CHRM3: variants seen among roughly 807,000 people sequenced by gnomAD.
CHRM3 encodes muscarinic acetylcholine receptor M3.
In CHRM3, 11 loss-of-function variants were observed where a neutral mutation model predicts 41.8. That is an observed-to-expected ratio of 0.26 (90% CI 0.17 to 0.44). CHRM3 has a LOEUF of 0.44. CHRM3 is among the 20% of genes least tolerant of loss of function. The pLI, the probability that CHRM3 is intolerant of heterozygous loss-of-function variation, is 1.00. For missense variants in CHRM3, 571 were observed against 745.4 expected, an observed-to-expected ratio of 0.77 and a Z score of 2.72; for synonymous variants, 297 against 301.4, an observed-to-expected ratio of 0.99 and a Z score of 0.15.
intron 5 of CHRM3, among the ~76,000 whole-genome samples, chr1:239,739,779 T>C (rs1664685934): frequency 6.6e-6 from 1 of 152,180 alleles, no homozygotes; most frequent in African/African-American, 2.4e-5. Context: ...TTAGTGTCTG[T>C]TTTCTTTAGC....
chr1:239,716,808 A>T (rs1227580766), intron 5 of CHRM3, among the ~76,000 whole-genome samples: 2 of 152,032 alleles, frequency 1.3e-5, no homozygotes, highest in Admixed American at 6.6e-5. Flanking sequence ...GGGAGCGGGG[A>T]TGTAGCTCTC....
rs150432886 is a variant in CHRM3, at chr1:239,428,566, C to T, written c.-521+41339C>T. 5.3e-4 allele frequency among the ~76,000 whole-genome samples: 80 copies of T among 152,268 alleles called. 1 individual carries two copies. In the East Asian group the frequency reaches 6.4e-3, roughly 12 times the overall value. On this transcript the variant is annotated intron_variant, in intron 1 of 6. Transcript: ENST00000676153. ...TTCCATACATGTTTGTTGAATAAAA[C>T]GGAATTTTTAAAAGATGCAGTAACA... is the stretch of plus-strand genomic sequence containing the variant.
At chr1:239,642,370 T>C (rs981622632) in intron 4 of CHRM3, among the ~76,000 whole-genome samples, 42 of 152,080 alleles carry the variant, frequency 2.8e-4, no homozygotes, top group African/African-American at 9.4e-4. Context: ...TTTTCCAACT[T>C]GGTTCCATTC....
chr1:239,856,356 G>A (rs612358), intron 6 of CHRM3, among the ~76,000 whole-genome samples: 147,012 of 152,156 alleles, frequency 0.97, 71,240 homozygotes, highest in East Asian at 1. Context: ...GTTTAGCGCC[G>A]TCCCCCTAGT....
intron 5 of CHRM3, among the ~76,000 whole-genome samples, chr1:239,774,962 T>C (rs1667976179): frequency 6.6e-6 from 1 of 152,066 alleles, no homozygotes; most frequent in African/African-American, 2.4e-5. Flanking sequence ...CATAGGAGAG[T>C]GAATCAAACT....
In CHRM3 at chr1:239,745,411, T is replaced by C. The variant is rs531897032; in HGVS notation, c.-147+67123T>C. On this transcript the variant is annotated intron_variant, in intron 5 of 6. Coordinates refer to ENST00000676153, the MANE Select transcript of CHRM3 (RefSeq NM_001375978.1). Reference sequence around the variant, plus strand: ...CACGCGGTATGCAAGTCAAAAGCTATGGAAAGGTTGTATGCACCTTTTCCT... The same window carrying C: ...CACGCGGTATGCAAGTCAAAAGCTACGGAAAGGTTGTATGCACCTTTTCCT... Among the ~76,000 whole-genome samples, 7 of 151,902 alleles carry C rather than the reference T, an allele frequency of 4.6e-5. No individual in the cohort carries two copies. The East Asian group carries it at 1.2e-3, about 25-fold the overall frequency.
chr1:239,537,584 A>G (rs1658329451), intron 2 of CHRM3, among the ~76,000 whole-genome samples: 1 of 152,084 alleles, frequency 6.6e-6, no homozygotes, highest in Admixed American at 6.6e-5. Context: ...AGTCCCTAAT[A>G]AAGACCCCTC....
rs778362934 is a variant in CHRM3, at chr1:239,907,534, G to C, written c.83G>C (p.Gly28Ala). Residue 28 changes from glycine to alanine, a missense_variant, in exon 7 of 7, where the codon GGG becomes GCG. Coordinates refer to ENST00000676153, the MANE Select transcript of CHRM3 (RefSeq NM_001375978.1). This position sits in a 1 kb window ranked among gnomAD's most constrained non-coding sequence, Gnocchi z 5.4. ...TGGATACACAGCCCCTCCGATGCAGGGCTGCCCCCGGGAACCGTCACTCAT... is the reference window on the plus strand; with the variant it reads ...TGGATACACAGCCCCTCCGATGCAGCGCTGCCCCCGGGAACCGTCACTCAT... ...SSWIHSPSDA[G>A]LPPGTVTHFG... 1.2e-6 allele frequency: 2 copies of C among 1,614,088 alleles called. No homozygotes were observed. Among genetic ancestry groups the C allele is most frequent in the South Asian group, 2.2e-5 (2 of 91,070 alleles).
intron 5 of CHRM3, among the ~76,000 whole-genome samples, chr1:239,694,242 A>G (rs1273329782): frequency 3.9e-5 from 6 of 152,222 alleles, no homozygotes; most frequent in Non-Finnish European, 5.9e-5. Context: ...TACAAACCTA[A>G]AAACTTATGA....
chr1:239,476,579 C>G (rs987579446), intron 1 of CHRM3, among the ~76,000 whole-genome samples: 2 of 151,970 alleles, frequency 1.3e-5, no homozygotes, highest in African/African-American at 4.8e-5. Context: ...GTGCAAAAAT[C>G]CCCTGAGAAA....
intron 1 of CHRM3, among the ~76,000 whole-genome samples, chr1:239,485,741 A>G (rs1221590177): frequency 6.6e-6 from 1 of 151,876 alleles, no homozygotes; most frequent in Non-Finnish European, 1.5e-5. Context: ...CGTGATGTAA[A>G]TTTTCAGTGA....
chr1:239,572,043 T>G (rs1661875866), intron 3 of CHRM3, among the ~76,000 whole-genome samples: 1 of 152,298 alleles, frequency 6.6e-6, no homozygotes, highest in African/African-American at 2.4e-5. Flanking sequence ...CTAAATAAGC[T>G]TTACAAGCAT....
At chr1:239,756,684 A>G (rs73122566) in intron 5 of CHRM3, among the ~76,000 whole-genome samples, 4,158 of 152,246 alleles carry the variant, frequency 0.027, 199 homozygotes, top group African/African-American at 0.096. Context: ...GTAATGGCTG[A>G]CCTGTTTTCT....
At chr1:239,464,709 C>T (rs1352146001) in intron 1 of CHRM3, among the ~76,000 whole-genome samples, 1 of 152,132 alleles carries the variant, frequency 6.6e-6, no homozygotes, top group Non-Finnish European at 1.5e-5. Flanking sequence ...GACCAATTTC[C>T]AGTCCTGGGC....
At chr1:239,773,183 G>A (rs1334480432) in intron 5 of CHRM3, among the ~76,000 whole-genome samples, 1 of 152,136 alleles carries the variant, frequency 6.6e-6, no homozygotes, top group Non-Finnish European at 1.5e-5. Flanking sequence ...ATCTGTAAGA[G>A]GGGAGTGCAT....
chr1:239,618,273 C>T (rs377119323), intron 3 of CHRM3, among the ~76,000 whole-genome samples: 34 of 113,002 alleles, frequency 3.0e-4, no homozygotes, highest in African/African-American at 7.4e-4. Context: ...CTTTTTTTTT[C>T]TTTCTTTTTT....
rs185863810 is a variant in CHRM3 at position 239,432,150 on chromosome 1, G to A, written c.-521+44923G>A. Among the ~76,000 whole-genome samples, 20 of 152,130 alleles carry A rather than the reference G, an allele frequency of 1.3e-4. 1 individual carries two copies. Among genetic ancestry groups the A allele is most frequent in the Admixed American group, 1.3e-3 (20 of 15,294 alleles). On this transcript the variant is annotated intron_variant, in intron 1 of 6. Transcript: ENST00000676153. ...AGATGGTTTGTCATTTGTGGATGGT[G>A]ACTGTCAAGGGGATCTGGATAAGGA...
At chr1:239,667,782 A>G (rs1227882558) in intron 4 of CHRM3, among the ~76,000 whole-genome samples, 6 of 152,096 alleles carry the variant, frequency 3.9e-5, no homozygotes, top group Non-Finnish European at 8.8e-5. Context: ...TCAAAACTCT[A>G]CCCAGCTCTT....
chr1:239,608,417 T>C (rs187673557), intron 3 of CHRM3, among the ~76,000 whole-genome samples: 8 of 152,328 alleles, frequency 5.3e-5, no homozygotes, highest in Admixed American at 5.2e-4. Context: ...TTTTAATAAA[T>C]TAGAATTTCT....
Sources: gnomAD v4.1 joint callset for allele counts (sites outside exome capture counted in the v4.1 genomes callset) on GRCh38, gnomAD v4.1.1 for gene constraint, Gnocchi (gnomAD v3.1) non-coding constraint, MANE v1.5 for transcripts, NCBI Gene and HGNC (gene_info 2026-07-23, HGNC 2026-07-21) for gene names.